Variants in SLC25A21 observed in about 807,000 individuals in gnomAD.
The protein encoded by SLC25A21 is mitochondrial 2-oxodicarboxylate carrier.
SLC25A21 carries 47 observed loss-of-function variants against 43.8 expected under a neutral mutation model. The ratio of observed to expected loss-of-function variants is 1.07; its 90% CI spans 0.85 to 1.37. The LOEUF is 1.37. Ranked by LOEUF, SLC25A21 falls within the 40% of genes most tolerant of loss-of-function variation. The pLI, the probability that SLC25A21 is intolerant of heterozygous loss-of-function variation, is 0.00. For synonymous variants in SLC25A21, 131 were observed against 121.3 expected (o/e 1.08, Z -0.52); for missense variants, 352 against 350.2 (o/e 1.00, Z -0.04).
At chr14:36,694,524 C>A (rs1428073044) in intron 7 of SLC25A21, among the ~76,000 whole-genome samples, 1 of 152,188 alleles carries the variant, frequency 6.6e-6, no homozygotes, top group Non-Finnish European at 1.5e-5. Flanking sequence ...TACACTCCCA[C>A]CAACAGTGTA....
At chr14:37,106,630 G>T (rs1167362408) in intron 1 of SLC25A21, among the ~76,000 whole-genome samples, 2 of 152,114 alleles carry the variant, frequency 1.3e-5, no homozygotes, top group African/African-American at 4.8e-5. Context: ...TTTGCCTTTT[G>T]TCCTGTTCCC....
intron 1 of SLC25A21, among the ~76,000 whole-genome samples, chr14:36,999,822 G>T (rs914399265): frequency 2.0e-5 from 3 of 152,128 alleles, no homozygotes; most frequent in African/African-American, 7.2e-5. Context: ...AGGCTCACAA[G>T]GGGAGTGAGC....
chr14:37,121,798 C>G (rs1963213202), intron 1 of SLC25A21, among the ~76,000 whole-genome samples: 1 of 151,520 alleles, frequency 6.6e-6, no homozygotes, highest in Non-Finnish European at 1.5e-5. Flanking sequence ...CAAAAAGAAC[C>G]AAAAAAAAAC....
At chr14:36,897,783 GT>G (rs1594677448) in intron 1 of SLC25A21, among the ~76,000 whole-genome samples, 1 of 152,196 alleles carries the variant, frequency 6.6e-6, no homozygotes, top group East Asian at 1.9e-4. Context: ...GTCTGTTGGA[GT>G]TTGCTGGAGG....
chr14:36,985,165 G>A (rs1960117169), intron 1 of SLC25A21, among the ~76,000 whole-genome samples: 1 of 147,248 alleles, frequency 6.8e-6, no homozygotes, highest in Non-Finnish European at 1.5e-5. Flanking sequence ...ATCACACTCT[G>A]GGGACTGTTG....
At chr14:36,975,251 G>T (rs1959842690) in intron 1 of SLC25A21, among the ~76,000 whole-genome samples, 1 of 152,124 alleles carries the variant, frequency 6.6e-6, no homozygotes, top group Non-Finnish European at 1.5e-5. Context: ...ATGACCAAAG[G>T]TTACCTATAA....
chr14:36,990,305 T>C (rs956978360), intron 1 of SLC25A21, among the ~76,000 whole-genome samples: 1 of 152,156 alleles, frequency 6.6e-6, no homozygotes, highest in African/African-American at 2.4e-5. Flanking sequence ...AGCAGTGCTG[T>C]TCCCCAGCTC....
intron 1 of SLC25A21, among the ~76,000 whole-genome samples, chr14:36,973,300 T>C (rs1362774873): frequency 6.6e-6 from 1 of 151,966 alleles, no homozygotes; most frequent in African/African-American, 2.4e-5. Flanking sequence ...ACAAGTGATG[T>C]CAGGAACAGA....
At chr14:36,827,096 G>T (rs1050999708) in intron 2 of SLC25A21, among the ~76,000 whole-genome samples, 1 of 152,150 alleles carries the variant, frequency 6.6e-6, no homozygotes, top group East Asian at 1.9e-4. Context: ...GTTTCTGTTT[G>T]CTTCTTCAAA....
chr14:36,790,492 G>A lies in SLC25A21; in HGVS notation c.203+23426C>T, dbSNP rs560272724. 3.5e-4 allele frequency among the ~76,000 whole-genome samples: 54 copies of A among 152,140 alleles called. 1 individual carries two copies. Among genetic ancestry groups the A allele is most frequent in the Admixed American group, 3.3e-3 (51 of 15,262 alleles). On this transcript the variant is annotated intron_variant, in intron 3 of 9. Transcript: ENST00000331299. ...GCTTTAGCTCACAGAAAAAAATATG[G>A]ATTCAGCATTCTGAATTCAAAAAAT... is the stretch of plus-strand genomic sequence containing the variant.
chr14:36,854,538 T>C (rs550142211), intron 2 of SLC25A21, among the ~76,000 whole-genome samples: 8 of 152,212 alleles, frequency 5.3e-5, no homozygotes, highest in Non-Finnish European at 8.8e-5. Flanking sequence ...CTACATGGGC[T>C]TGTTAGAAAG....
chr14:36,739,607 G>A (rs367607087), intron 3 of SLC25A21, among the ~76,000 whole-genome samples: 7 of 151,578 alleles, frequency 4.6e-5, no homozygotes, highest in African/African-American at 1.7e-4. Context: ...GAACCCGGGA[G>A]GTGGAGGTTG....
chr14:37,080,731 G>A (rs1380876777), intron 1 of SLC25A21, among the ~76,000 whole-genome samples: 1 of 152,172 alleles, frequency 6.6e-6, no homozygotes, highest in Admixed American at 6.5e-5. Flanking sequence ...ATGATCAGCT[G>A]TATACTTATA....
intron 2 of SLC25A21, among the ~76,000 whole-genome samples, chr14:36,849,969 G>A (rs1192940190): frequency 1.3e-5 from 2 of 152,184 alleles, no homozygotes; most frequent in African/African-American, 4.8e-5. Context: ...TGGGGATCAA[G>A]TGAAGGAGGT....
intron 2 of SLC25A21, among the ~76,000 whole-genome samples, chr14:36,837,984 T>C (rs1889264987): frequency 6.6e-6 from 1 of 152,148 alleles, no homozygotes; most frequent in Non-Finnish European, 1.5e-5. Context: ...ACAGAGCCCG[T>C]GGAAGTGATT....
intron 1 of SLC25A21, among the ~76,000 whole-genome samples, chr14:36,943,846 C>T (rs777290623): frequency 6.6e-6 from 1 of 152,042 alleles, no homozygotes; most frequent in Non-Finnish European, 1.5e-5. Flanking sequence ...AGCAAGAAGC[C>T]TTTGTTTAAA....
chr14:37,017,411 T>C (rs151052298), intron 1 of SLC25A21, among the ~76,000 whole-genome samples: 117 of 152,236 alleles, frequency 7.7e-4, no homozygotes, highest in African/African-American at 2.7e-3. Flanking sequence ...CTGTTTTACA[T>C]GTACATGGTT....
chr14:37,011,227 T>C (rs1378693922), intron 1 of SLC25A21, among the ~76,000 whole-genome samples: 1 of 152,118 alleles, frequency 6.6e-6, no homozygotes, highest in Non-Finnish European at 1.5e-5. Context: ...CTTGTTATGT[T>C]GCTGAGGCTG....
chr14:36,875,927 A>G (rs1165386721), intron 1 of SLC25A21, among the ~76,000 whole-genome samples: 1 of 152,220 alleles, frequency 6.6e-6, no homozygotes, highest in Admixed American at 6.5e-5. Flanking sequence ...TCATTATGGT[A>G]TTATAGAGGT....
Sources: allele counts gnomAD v4.1 joint callset (sites outside exome capture counted in the v4.1 genomes callset), GRCh38; gene constraint gnomAD v4.1.1; transcripts MANE v1.5; gene names NCBI Gene and HGNC (gene_info 2026-07-23, HGNC 2026-07-21).